The following SCT variants were observed in gnomAD, a reference collection of about 807,000 sequenced individuals.
SCT encodes secretin.
Under a neutral mutation model 10.9 loss-of-function variants are expected in SCT, and 17 were observed. The ratio of observed to expected loss-of-function variants is 1.55; its 90% CI spans 1.06 to 2.33. SCT has a LOEUF of 2.33. Ranked by LOEUF, SCT falls within the 30% of genes most tolerant of loss-of-function variation. The probability of loss-of-function intolerance (pLI) is 0.00; values close to 1 mark genes in which losing one functional copy is unlikely to be tolerated. For synonymous variants in SCT, 96 were observed against 73.9 expected, an observed-to-expected ratio of 1.30 and a Z score of -1.54; for missense variants, 230 against 165.9, an observed-to-expected ratio of 1.39 and a Z score of -2.12.
In SCT at chr11:626,713, G is replaced by A; in HGVS notation, c.250C>T (p.Pro84Ser). 6.5e-7 allele frequency: 1 copy of A among 1,549,690 alleles called. No individual in the cohort carries two copies. The highest frequency in any genetic ancestry group is 8.7e-7 in the Non-Finnish European group (1 of 1,146,222). Residue 84 changes from proline (P) to serine (S), a missense_variant, in exon 3 of 4, where the codon CCC becomes TCC. Coordinates refer to ENST00000176195, the MANE Select transcript of SCT (RefSeq NM_021920.4). The part of the protein sequence containing the change: ...GLLCPSGSNM[P>S]ILQAWMPLDG... ...GGTGCTCACCAGGCCTGCAGGATGG[G>A]CATGTTGGACCCTGACGGGCAGAGC...
intron 1 of SCT, 32 bp downstream of exon 1, chr11:627,041 C>T (rs1000789412): frequency 4.2e-5 from 15 of 358,118 alleles, no homozygotes; most frequent in South Asian, 8.9e-5. Flanking sequence ...GGGTGGGGCC[C>T]GGGGGGCGGG....
In SCT at chr11:626,360, C is replaced by A. The variant is rs1857734567; in HGVS notation, c.*71G>T. ...TGCCAAGTACCACCCCTCCCCCTCT[C>A]CCCCATCCTGCCCCCCACCCCAAAT... On this transcript the variant is annotated 3_prime_UTR_variant, in exon 4 of 4. Transcript: ENST00000176195. 3 of 1,174,372 alleles carry A rather than the reference C, an allele frequency of 2.6e-6. No individual in the cohort carries two copies. In the South Asian group the frequency reaches 4.0e-5, roughly 16 times the overall value. The allele number at this position is 1,174,372 out of a possible 1,614,324, so 72.7% of individuals were successfully genotyped here.
Position 627,085 on chromosome 11 carries a change from GGGCGCGC to G in SCT, c.52_58del (p.Ala18ProfsTer137), listed in dbSNP as rs1857793993. On this transcript the variant is annotated frameshift_variant, in exon 1 of 4. Transcript: ENST00000176195. LOFTEE classifies it high-confidence loss of function. ...GCGGGCGGCTCACCTGGGGGGCGCG[GGGCGCGC>G]GGCGGAGCCCCCGAGGAGCAGCAGC... is the stretch of plus-strand genomic sequence containing the variant. The G allele has an allele frequency of 3.5e-6, 4 of 1,135,154 alleles. No individual in the cohort carries two copies. The highest frequency in any genetic ancestry group is 4.3e-5 in the East Asian group (1 of 23,190). The allele number at this position is 1,135,154 out of a possible 1,614,324, so 70.3% of individuals were successfully genotyped here.
chr11:626,695 A>C lies in SCT; in HGVS notation c.266+2T>G. 1 of 1,546,854 alleles carries C rather than the reference A, an allele frequency of 6.5e-7. No individual in the cohort carries two copies. Among genetic ancestry groups the C allele is most frequent in the Non-Finnish European group, 8.7e-7 (1 of 1,144,402 alleles). The stretch of plus-strand genomic sequence containing the variant: ...GGGGTCTGCGGTGGGGCGGGTGCTC[A>C]CCAGGCCTGCAGGATGGGCATGTTG... On this transcript the variant is annotated splice_donor_variant, in intron 3 of 3. Coordinates refer to ENST00000176195, the MANE Select transcript of SCT (RefSeq NM_021920.4). LOFTEE classifies it high-confidence loss of function.
At chr11:626,610 C>T (rs903602030) in intron 3 of SCT, 80 bp from the exon 4 acceptor site, 2 of 1,478,618 alleles carry the variant, frequency 1.4e-6, no homozygotes, top group Non-Finnish European at 1.8e-6. Context: ...CTCCAGTGGC[C>T]ACCAGCGCTG....
Position 626,515 on chromosome 11 carries a change from C to T in SCT, c.282G>A (p.Gly94=). 1 of 1,560,066 alleles carries T rather than the reference C, an allele frequency of 6.4e-7. No individual in the cohort carries two copies. Among genetic ancestry groups the T allele is most frequent in the Non-Finnish European group, 8.7e-7 (1 of 1,151,848 alleles). Reference sequence around the variant, plus strand: ...CAGGGGGCAGCCAGGGAGACCAGGTCCCGTCCAGGGGCATCCTGCAGAGAC... The same window carrying T: ...CAGGGGGCAGCCAGGGAGACCAGGTTCCGTCCAGGGGCATCCTGCAGAGAC... The part of the protein sequence containing the change: ...PILQAWMPLD[G]TWSPWLPPGP... Residue 94 remains glycine (G), a synonymous_variant, in exon 4 of 4, where the codon GGG becomes GGA. Coordinates refer to ENST00000176195, the MANE Select transcript of SCT (RefSeq NM_021920.4).
chr11:626,891 C>A lies in SCT; in HGVS notation c.170G>T (p.Arg57Leu). ...QRLLQGLVGK[R>L]SEQDAENSMA... ...CCCCCACCCCACCCGGCCTCACCTGCGCTTCCCCACCAGGCCCTGTAGCAG... is the reference window on the plus strand; with the variant it reads ...CCCCCACCCCACCCGGCCTCACCTGAGCTTCCCCACCAGGCCCTGTAGCAG... Residue 57 changes from arginine (R) to leucine (L), a missense_variant, in exon 2 of 4, where the codon CGC becomes CTC. By Grantham distance (102) the Arg-to-Leu change is moderately radical. Transcript: ENST00000176195. The A allele has an allele frequency of 6.5e-7, 1 of 1,543,248 alleles. No individual in the cohort carries two copies. Among genetic ancestry groups the A allele is most frequent in the South Asian group, 1.2e-5 (1 of 83,954 alleles).
rs1401434709 is a variant in SCT at position 626,987 on chromosome 11, G to T, written c.74C>A (p.Ala25Asp). The T allele has an allele frequency of 6.9e-7, 1 of 1,442,224 alleles. No individual in the cohort carries two copies. The highest frequency in any genetic ancestry group is 9.2e-7 in the Non-Finnish European group (1 of 1,089,594). The allele number at this position is 1,442,224 out of a possible 1,614,324, so 89.3% of individuals were successfully genotyped here. The change falls in exon 2 of 4, where the codon GCC (alanine) becomes GAC (aspartate). Residue 25 changes from alanine (A) to aspartate (D), a missense_variant and splice_region_variant. Physicochemically the swap from Ala to Asp is moderately radical, Grantham distance 126. Coordinates refer to ENST00000176195, the MANE Select transcript of SCT (RefSeq NM_021920.4). ...GSAARPAPPRARRHSDGTFTS... is the reference protein window; with the variant it reads ...GSAARPAPPRDRRHSDGTFTS... ...GAACGTCCCGTCTGAGTGTCGCCGG[G>T]CCCTGCGGGCGGTCGGGGGTCGGGG...
chr11:626,347 C>T lies in SCT; in HGVS notation c.*84G>A, dbSNP rs1021965048. ...CCTCCTTTATTGGTGCCAAGTACCA[C>T]CCCTCCCCCTCTCCCCCATCCTGCC... On this transcript the variant is annotated 3_prime_UTR_variant, in exon 4 of 4. Coordinates refer to ENST00000176195, the MANE Select transcript of SCT (RefSeq NM_021920.4). 4.0e-6 allele frequency: 4 copies of T among 1,006,630 alleles called. No homozygotes were observed. The South Asian group carries it at 5.8e-5, about 15-fold the overall frequency. 62.4% of individuals were successfully genotyped at this position (1,006,630 alleles called of 1,614,324 possible). A position where few individuals can be genotyped will look rare whatever the true frequency, so the allele number is the denominator to read the frequency against.
chr11:627,024 TG>T (rs770509775), intron 1 of SCT, 35 bp from the exon 2 acceptor site: 7 of 234,432 alleles, frequency 3.0e-5, no homozygotes, highest in South Asian at 2.2e-4. Context: ...CAGGGCGCAC[TG>T]GGGGCGGGTG....
rs187861364 is a variant in SCT, at chr11:626,535, A to G, written c.267-5T>C. ...CAGGTCCCGTCCAGGGGCATCCTGCAGAGACAGCACGTGAGGGTCTGAGGG... is the reference window on the plus strand; with the variant it reads ...CAGGTCCCGTCCAGGGGCATCCTGCGGAGACAGCACGTGAGGGTCTGAGGG... On this transcript the variant is annotated splice_region_variant and splice_polypyrimidine_tract_variant and intron_variant, in intron 3 of 3. Coordinates refer to ENST00000176195, the MANE Select transcript of SCT (RefSeq NM_021920.4). 5.1e-3 allele frequency: 7,899 copies of G among 1,554,554 alleles called. 80 individuals carry two copies. Among genetic ancestry groups the G allele is most frequent in the South Asian group, 0.03 (2,563 of 84,250 alleles).
rs1420984154 is a variant in SCT at position 627,129 on chromosome 11, G to A, written c.15C>T (p.Pro5=). 4.6e-6 allele frequency: 5 copies of A among 1,093,048 alleles called. No homozygotes were observed. The highest frequency in any genetic ancestry group is 4.5e-6 in the Non-Finnish European group (4 of 894,958). 67.7% of individuals were successfully genotyped at this position (1,093,048 alleles called of 1,614,324 possible). Residue 5 remains proline, a synonymous_variant, in exon 1 of 4, where the codon CCC becomes CCT. Coordinates refer to ENST00000176195, the MANE Select transcript of SCT (RefSeq NM_021920.4). MAPR[P]LLLLLLLLGG... is the part of the protein sequence containing the mutation. ...CGAGGAGCAGCAGCAGCAGCAGGAG[G>A]GGCCGGGGGGCCATGGCGGGGTCGG...
Position 626,376 on chromosome 11 carries a change from C to A in SCT, c.*55G>T, listed in dbSNP as rs371270345. On this transcript the variant is annotated 3_prime_UTR_variant, in exon 4 of 4. Coordinates refer to ENST00000176195, the MANE Select transcript of SCT (RefSeq NM_021920.4). Reference sequence around the variant, plus strand: ...TCCCCCTCTCCCCCATCCTGCCCCCCACCCCAAATGCAGCTGCGCTCCTGG... The same window carrying A: ...TCCCCCTCTCCCCCATCCTGCCCCCAACCCCAAATGCAGCTGCGCTCCTGG... 5.2e-6 allele frequency: 7 copies of A among 1,359,022 alleles called. No homozygotes were observed. Among genetic ancestry groups the A allele is most frequent in the Middle Eastern group, 2.1e-4 (1 of 4,668 alleles). The allele number at this position is 1,359,022 out of a possible 1,614,324, so 84.2% of individuals were successfully genotyped here. A position where few individuals can be genotyped will look rare whatever the true frequency, so the allele number is the denominator to read the frequency against.
In SCT at chr11:626,716, T is replaced by C; in HGVS notation, c.247A>G (p.Met83Val). Residue 83 changes from methionine (M) to valine (V), a missense_variant, in exon 3 of 4, where the codon ATG (methionine) becomes GTG (valine). Coordinates refer to ENST00000176195, the MANE Select transcript of SCT (RefSeq NM_021920.4). ...GCTCACCAGGCCTGCAGGATGGGCA[T>C]GTTGGACCCTGACGGGCAGAGCAGA... The part of the protein sequence containing the change: ...AGLLCPSGSN[M>V]PILQAWMPLD... The C allele has an allele frequency of 6.5e-7, 1 of 1,549,874 alleles. No homozygotes were observed. Among genetic ancestry groups the C allele is most frequent in the Non-Finnish European group, 8.7e-7 (1 of 1,146,492 alleles).
chr11:627,041 CG>C (rs1033614991), intron 1 of SCT, 31 bp downstream of exon 1: 3 of 358,110 alleles, frequency 8.4e-6, no homozygotes, highest in African/African-American at 5.1e-5. Context: ...GGGTGGGGCC[CG>C]GGGGGCGGGC....
intron 2 of SCT, 48 bp from the exon 3 acceptor site, chr11:626,837 G>T (rs996583306): frequency 3.2e-6 from 5 of 1,543,916 alleles, no homozygotes; most frequent in Non-Finnish European, 2.6e-6. Context: ...GGGGGGTCGC[G>T]CGTTGCTGCT....
In SCT at chr11:627,080, G is replaced by T; in HGVS notation, c.64C>A (p.Pro22Thr). 10 of 1,131,014 alleles carry T rather than the reference G, an allele frequency of 8.8e-6. No homozygotes were observed. Among genetic ancestry groups the T allele is most frequent in the Non-Finnish European group, 1.1e-5 (10 of 918,516 alleles). 70.1% of individuals were successfully genotyped at this position (1,131,014 alleles called of 1,614,324 possible). A position where few individuals can be genotyped will look rare whatever the true frequency, so the allele number is the denominator to read the frequency against. Residue 22 changes from proline (P) to threonine (T), a missense_variant, in exon 1 of 4, where the codon CCC (proline) becomes ACC (threonine). Coordinates refer to ENST00000176195, the MANE Select transcript of SCT (RefSeq NM_021920.4). ...GCCTGGCGGGCGGCTCACCTGGGGG[G>T]CGCGGGGCGCGCGGCGGAGCCCCCG... ...LLGGSAARPAPPRARRHSDGT... is the reference protein window; with the variant it reads ...LLGGSAARPATPRARRHSDGT...
In SCT at chr11:626,372, C is replaced by A; in HGVS notation, c.*59G>T. ...CCCCTCCCCCTCTCCCCCATCCTGC[C>A]CCCCACCCCAAATGCAGCTGCGCTC... On this transcript the variant is annotated 3_prime_UTR_variant, in exon 4 of 4. Coordinates refer to ENST00000176195, the MANE Select transcript of SCT (RefSeq NM_021920.4). The A allele has an allele frequency of 7.6e-7, 1 of 1,316,770 alleles. No homozygotes were observed. The highest frequency in any genetic ancestry group is 2.0e-5 in the Admixed American group (1 of 49,900). The allele number at this position is 1,316,770 out of a possible 1,614,324, so 81.6% of individuals were successfully genotyped here. A position where few individuals can be genotyped will look rare whatever the true frequency, so the allele number is the denominator to read the frequency against.
Position 626,702 on chromosome 11 carries a change from C to A in SCT, c.261G>T (p.Gln87His), listed in dbSNP as rs777226341. 5 of 1,548,922 alleles carry A rather than the reference C, an allele frequency of 3.2e-6. No homozygotes were observed. Among genetic ancestry groups the A allele is most frequent in the Non-Finnish European group, 8.7e-7 (1 of 1,145,828 alleles). ...CPSGSNMPILQAWMPLDGTWS... is the reference protein window; with the variant it reads ...CPSGSNMPILHAWMPLDGTWS... ...GCGGTGGGGCGGGTGCTCACCAGGCCTGCAGGATGGGCATGTTGGACCCTG... is the reference window on the plus strand; with the variant it reads ...GCGGTGGGGCGGGTGCTCACCAGGCATGCAGGATGGGCATGTTGGACCCTG... Residue 87 changes from glutamine (Q) to histidine (H), a missense_variant, in exon 3 of 4, where the codon CAG becomes CAT. By Grantham distance (24) the Gln-to-His change is conservative (BLOSUM62 0). Transcript: ENST00000176195.
Sources: gnomAD v4.1 joint callset for allele counts on GRCh38, gnomAD v4.1.1 for gene constraint, MANE v1.5 for transcripts, NCBI Gene and HGNC (gene_info 2026-07-23, HGNC 2026-07-21) for gene names.